The following SERGEF variants were observed in gnomAD, a reference collection of about 807,000 sequenced individuals.
SERGEF encodes secretion regulating guanine nucleotide exchange factor, also known as secretion-regulating guanine nucleotide exchange factor.
In SERGEF, 51 loss-of-function variants were observed where a neutral mutation model predicts 50.0. That is an observed-to-expected ratio of 1.02 (90% CI 0.81 to 1.29). SERGEF has a LOEUF of 1.29. Ranked by LOEUF, SERGEF falls within the 50% of genes most tolerant of loss-of-function variation. SERGEF has a pLI of 0.00. For missense variants in SERGEF, 521 were observed against 557.0 expected (o/e 0.94, Z 0.65); for synonymous variants, 205 against 212.4 (o/e 0.97, Z 0.30).
intron 10 of SERGEF, among the ~76,000 whole-genome samples, chr11:17,873,428 G>A (rs1190610721): frequency 6.6e-6 from 1 of 152,106 alleles, no homozygotes; most frequent in African/African-American, 2.4e-5. Context: ...AGGCCCTAGG[G>A]TTTGGAGATA....
At position 17,906,907 on chromosome 11, in the gene SERGEF, A is replaced by C. The variant is rs536775135; in HGVS notation, c.1012-28663T>G. Among the ~76,000 whole-genome samples, 4 of 151,904 alleles carry C rather than the reference A, an allele frequency of 2.6e-5. No homozygotes were observed. The South Asian group carries it at 8.3e-4, about 32-fold the overall frequency. ...ATGAAACTGAATGTGGTTGTAATAT[A>C]TTTAAAGAATGATTCTGCTCAGTGT... On this transcript the variant is annotated intron_variant, in intron 9 of 10. Transcript: ENST00000265965.
intron 10 of SERGEF, chr11:17,856,320 T>C (rs1200959429): frequency 6.6e-6 from 1 of 152,412 alleles, no homozygotes; most frequent in Non-Finnish European, 1.5e-5. Context: ...CCCTCTCTTA[T>C]ATTGATTCCC....
chr11:17,855,220 G>C (rs1012556817), intron 10 of SERGEF: 3 of 152,224 alleles, frequency 2.0e-5, no homozygotes, highest in African/African-American at 7.2e-5. Flanking sequence ...GGGAGTAGGA[G>C]AGCCAGAGTA....
intron 10 of SERGEF, among the ~76,000 whole-genome samples, chr11:17,814,731 T>C (rs1849932776): frequency 6.6e-6 from 1 of 152,220 alleles, no homozygotes; most frequent in South Asian, 2.1e-4. Context: ...AAGTGGAATT[T>C]CTCTTAAGAA....
intron 10 of SERGEF, among the ~76,000 whole-genome samples, chr11:17,849,247 C>T (rs941848267): frequency 1.4e-4 from 22 of 152,126 alleles, no homozygotes; most frequent in African/African-American, 5.3e-4. Flanking sequence ...GTCTTACCTC[C>T]ACACCGTTGA....
intron 10 of SERGEF, chr11:17,855,842 C>G (rs762799380): frequency 2.6e-5 from 4 of 152,192 alleles, no homozygotes; most frequent in Non-Finnish European, 5.9e-5. Flanking sequence ...CTGGCTGGCT[C>G]ACAACTGAAA....
chr11:18,008,685 A>G (rs1388875218), intron 1 of SERGEF, among the ~76,000 whole-genome samples: 3 of 151,746 alleles, frequency 2.0e-5, no homozygotes, highest in Non-Finnish European at 4.4e-5. Flanking sequence ...CTTGAGGAGG[A>G]GGGGCTTCTC....
chr11:17,930,174 G>C (rs1474817096), intron 9 of SERGEF, among the ~76,000 whole-genome samples: 1 of 152,214 alleles, frequency 6.6e-6, no homozygotes, highest in Admixed American at 6.6e-5. Flanking sequence ...GTGAAACACA[G>C]ACAAAACTTC....
At chr11:17,977,571 A>C (rs1853403276) in intron 8 of SERGEF, among the ~76,000 whole-genome samples, 1 of 152,194 alleles carries the variant, frequency 6.6e-6, no homozygotes, top group South Asian at 2.1e-4. Flanking sequence ...GGAAGGAGAG[A>C]CAAAATATCT....
chr11:17,885,506 T>G (rs1237416467), intron 9 of SERGEF, among the ~76,000 whole-genome samples: 2 of 151,956 alleles, frequency 1.3e-5, no homozygotes, highest in African/African-American at 2.4e-5. Context: ...TTTTACTTCT[T>G]GTAGGAACAG....
chr11:17,860,239 G>T (rs1040465187), intron 10 of SERGEF, among the ~76,000 whole-genome samples: 3 of 152,102 alleles, frequency 2.0e-5, no homozygotes, highest in African/African-American at 7.2e-5. Flanking sequence ...GTTAAAGGAA[G>T]GGGAAAATAA....
At chr11:17,871,460 CAAAA>C (rs59785475) in intron 10 of SERGEF, among the ~76,000 whole-genome samples, 49 of 93,226 alleles carry the variant, frequency 5.3e-4, no homozygotes, top group Non-Finnish European at 6.2e-4. Context: ...GACTCCATCT[CAAAA>C]AAAAAAAAAA....
At chr11:17,909,627 T>C (rs1218037592) in intron 9 of SERGEF, among the ~76,000 whole-genome samples, 1 of 152,234 alleles carries the variant, frequency 6.6e-6, no homozygotes, top group African/African-American at 2.4e-5. Flanking sequence ...ATCATCATGC[T>C]ATTAGAGTCA....
intron 10 of SERGEF, among the ~76,000 whole-genome samples, chr11:17,870,859 A>C (rs1851125805): frequency 6.6e-6 from 1 of 152,242 alleles, no homozygotes; most frequent in Admixed American, 6.5e-5. Context: ...TAATCAAGCT[A>C]GTGTGATACT....
At chr11:17,793,681 A>G (rs1036003848) in intron 10 of SERGEF, among the ~76,000 whole-genome samples, 17 of 152,328 alleles carry the variant, frequency 1.1e-4, no homozygotes, top group African/African-American at 3.8e-4. Context: ...GGCACTTGTC[A>G]GGTCTTCGAA....
chr11:17,909,321 C>T (rs1478202290), intron 9 of SERGEF, among the ~76,000 whole-genome samples: 1 of 152,168 alleles, frequency 6.6e-6, no homozygotes, highest in African/African-American at 2.4e-5. Flanking sequence ...ATTATTTGGC[C>T]AGAAGCTGTC....
intron 1 of SERGEF, chr11:18,010,268 G>A: frequency 3.2e-6 from 1 of 314,334 alleles, no homozygotes; most frequent in South Asian, 3.7e-5. Flanking sequence ...ACTCAAAGAT[G>A]GAAGAGTAAG....
chr11:17,931,103 T>C (rs1852343744), intron 9 of SERGEF, among the ~76,000 whole-genome samples: 1 of 152,202 alleles, frequency 6.6e-6, no homozygotes, highest in South Asian at 2.1e-4. Flanking sequence ...GAAACAGCTA[T>C]CATTTATTTG....
At chr11:17,970,858 A>G (rs964467783) in intron 8 of SERGEF, among the ~76,000 whole-genome samples, 2 of 152,126 alleles carry the variant, frequency 1.3e-5, no homozygotes, top group African/African-American at 4.8e-5. Context: ...ACTGAGGAAA[A>G]AAAGATGGAA....
Sources: allele counts gnomAD v4.1 joint callset (sites outside exome capture counted in the v4.1 genomes callset), GRCh38; gene constraint gnomAD v4.1.1; transcripts MANE v1.5; gene names NCBI Gene and HGNC (gene_info 2026-07-23, HGNC 2026-07-21).